LRP1-AS: variants seen among roughly 807,000 people sequenced by gnomAD.
LRP1-AS encodes the protein LRP1 antisense RNA.
chr12:57,144,669 G>A lies in LRP1-AS; in HGVS notation n.596C>T, dbSNP rs117123088. 1,613 of 392,806 alleles carry A rather than the reference G, an allele frequency of 4.1e-3. 36 individuals carry two copies. The highest frequency in any genetic ancestry group is 0.034 in the Admixed American group (892 of 26,110). 24.3% of individuals were successfully genotyped at this position (392,806 alleles called of 1,614,324 possible). On this transcript the variant is annotated non_coding_transcript_exon_variant, in exon 2 of 2. Transcript: ENST00000555461. ...TATTATCTGAATATAAGTTTCATGA[G>A]GACAGCAATGTGGGTCTATTTTAAA...
At chr12:57,145,148 G>C (rs2035376956) in intron 1 of LRP1-AS, 1 of 1,613,390 alleles carries the variant, frequency 6.2e-7, no homozygotes, top group Admixed American at 1.7e-5. Flanking sequence ...CCCCCTCAAT[G>C]CTGTTCCCTG....
intron 1 of LRP1-AS, among the ~76,000 whole-genome samples, chr12:57,145,976 A>C (rs998478595): frequency 1.3e-5 from 2 of 151,830 alleles, no homozygotes; most frequent in African/African-American, 2.4e-5. Context: ...CCATCGGGGG[A>C]GGGCAGTACT....
intron 1 of LRP1-AS, chr12:57,145,191 C>T (rs765211154): frequency 1.6e-5 from 26 of 1,613,586 alleles, no homozygotes; most frequent in Non-Finnish European, 1.9e-5. Context: ...GTCCTAGAGC[C>T]CTGGCTGCAC....
chr12:57,145,306 G>T, intron 1 of LRP1-AS: 1 of 1,614,198 alleles, frequency 6.2e-7, no homozygotes. Context: ...GGGCCCAGGT[G>T]TCTACCATCA....
intron 1 of LRP1-AS, chr12:57,145,450 C>G: frequency 6.2e-7 from 1 of 1,614,022 alleles, no homozygotes; most frequent in Non-Finnish European, 8.5e-7. Flanking sequence ...TAAAGGGCTT[C>G]GTGGATGAGC....
exon 2 of LRP1-AS, chr12:57,144,864 C>T (rs1181572964): frequency 1.8e-6 from 2 of 1,126,688 alleles, no homozygotes; most frequent in African/African-American, 1.5e-5. Context: ...GCCGAACTGT[C>T]CTTCAAGGTA....
At chr12:57,146,343 G>T (rs1470326045) in intron 1 of LRP1-AS, 1 of 152,192 alleles carries the variant, frequency 6.6e-6, no homozygotes, top group Admixed American at 6.5e-5. Flanking sequence ...TAACTGTTTA[G>T]TAAACCAGAA....
intron 1 of LRP1-AS, chr12:57,145,438 C>T: frequency 6.2e-7 from 1 of 1,614,098 alleles, no homozygotes; most frequent in South Asian, 1.1e-5. Context: ...GCATGCCTGG[C>T]CTAAAGGGCT....
chr12:57,146,698 T>C (rs1300888575), intron 1 of LRP1-AS: 1 of 152,350 alleles, frequency 6.6e-6, no homozygotes, highest in Non-Finnish European at 1.5e-5. Flanking sequence ...GATAGCGTCC[T>C]TGGGCTGCTG....
At chr12:57,145,465 C>T in intron 1 of LRP1-AS, 3 of 1,613,974 alleles carry the variant, frequency 1.9e-6, no homozygotes, top group Middle Eastern at 1.7e-4. Context: ...ATGAGCACAC[C>T]ATCAACATCT....
intron 1 of LRP1-AS, chr12:57,145,482 G>A: frequency 6.2e-7 from 1 of 1,613,098 alleles, no homozygotes; most frequent in Non-Finnish European, 8.5e-7. Flanking sequence ...ATCTCCCTCA[G>A]TCTGCACCGT....
At chr12:57,145,434 C>T in intron 1 of LRP1-AS, 1 of 1,614,144 alleles carries the variant, frequency 6.2e-7, no homozygotes, top group South Asian at 1.1e-5. Flanking sequence ...GCCCGCATGC[C>T]TGGCCTAAAG....
At chr12:57,145,302 A>G (rs750383451) in intron 1 of LRP1-AS, 1 of 1,614,162 alleles carries the variant, frequency 6.2e-7, no homozygotes. Flanking sequence ...AGTGGGGCCC[A>G]GGTGTCTACC....
At chr12:57,145,595 C>T in intron 1 of LRP1-AS, 1 of 1,416,452 alleles carries the variant, frequency 7.1e-7, no homozygotes, top group African/African-American at 1.4e-5. Context: ...ATGGTCCTGT[C>T]TGGGGCAGGA....
chr12:57,145,343 G>A (rs1480504467), intron 1 of LRP1-AS: 4 of 1,614,068 alleles, frequency 2.5e-6, no homozygotes, highest in Non-Finnish European at 3.4e-6. Context: ...GCAGACCACA[G>A]CCATGGACTT....
chr12:57,145,625 A>G (rs1289941392), intron 1 of LRP1-AS: 2 of 1,183,186 alleles, frequency 1.7e-6, no homozygotes, highest in Admixed American at 2.0e-5. Flanking sequence ...GGCTGGATAC[A>G]ATGGTGTGTG....
At chr12:57,145,204 A>G (rs1309206172) in intron 1 of LRP1-AS, 2 of 1,613,008 alleles carry the variant, frequency 1.2e-6, no homozygotes, top group South Asian at 2.2e-5. Context: ...GGCTGCACGG[A>G]CTCTTCTCTT....
At chr12:57,146,974 A>T (rs1944216035) in intron 1 of LRP1-AS, among the ~76,000 whole-genome samples, 1 of 152,078 alleles carries the variant, frequency 6.6e-6, no homozygotes, top group African/African-American at 2.4e-5. Context: ...GCTTCTGGGT[A>T]GGTGGCTATG....
chr12:57,145,937 G>A (rs778661398), intron 1 of LRP1-AS, among the ~76,000 whole-genome samples: 1 of 152,126 alleles, frequency 6.6e-6, no homozygotes, highest in Non-Finnish European at 1.5e-5. Context: ...CGTTTCCCTC[G>A]GGGACCATTG....
Sources: gnomAD v4.1 joint callset for allele counts (sites outside exome capture counted in the v4.1 genomes callset) on GRCh38, gnomAD v4.1.1 for gene constraint, MANE v1.5 for transcripts, NCBI Gene and HGNC (gene_info 2026-07-23, HGNC 2026-07-21) for gene names.